The following CCSER1 variants were observed in gnomAD, a reference collection of about 807,000 sequenced individuals.
CCSER1 encodes the protein serine-rich coiled-coil domain-containing protein 1.
CCSER1 carries 41 observed loss-of-function variants against 82.0 expected under a neutral mutation model. The ratio of observed to expected loss-of-function variants is 0.50; its 90% CI spans 0.39 to 0.65. CCSER1 has a LOEUF of 0.65. Ranked by LOEUF, CCSER1 falls within the 30% of genes least tolerant of loss-of-function variation. The pLI is 0.00. For synonymous variants in CCSER1, 414 were observed against 383.9 expected (o/e 1.08, Z -0.92); for missense variants, 1,119 against 1,064.2 (o/e 1.05, Z -0.72).
At chr4:90,286,701 A>G (rs911490972) in intron 1 of CCSER1, among the ~76,000 whole-genome samples, 1 of 152,004 alleles carries the variant, frequency 6.6e-6, no homozygotes, top group African/African-American at 2.4e-5. Context: ...TACACTTAAC[A>G]TTCTATATTT....
intron 6 of CCSER1, among the ~76,000 whole-genome samples, chr4:90,690,225 A>G (rs1001855807): frequency 2.0e-5 from 3 of 152,110 alleles, no homozygotes; most frequent in Non-Finnish European, 4.4e-5. Flanking sequence ...TTGAAGGCAC[A>G]ATACTCAGAA....
intron 9 of CCSER1, among the ~76,000 whole-genome samples, chr4:91,073,902 C>A (rs1721689145): frequency 6.6e-6 from 1 of 152,036 alleles, no homozygotes; most frequent in African/African-American, 2.4e-5. Context: ...TATCCTCCTC[C>A]CGATAATCAT....
intron 3 of CCSER1, among the ~76,000 whole-genome samples, chr4:90,349,636 C>G (rs1272528140): frequency 6.6e-6 from 1 of 152,000 alleles, no homozygotes; most frequent in Non-Finnish European, 1.5e-5. Context: ...TCATTTTCTT[C>G]TTTTCATACC....
At chr4:91,278,993 G>A (rs943733989) in intron 10 of CCSER1, among the ~76,000 whole-genome samples, 5 of 151,994 alleles carry the variant, frequency 3.3e-5, no homozygotes, top group African/African-American at 1.2e-4. Flanking sequence ...ACCTGGGAAA[G>A]ACTATCTCTT....
chr4:91,219,308 C>CTT (rs59884169), intron 10 of CCSER1, among the ~76,000 whole-genome samples: 8,224 of 99,682 alleles, frequency 0.083, 399 homozygotes, highest in East Asian at 0.23. Context: ...TACAGTTTGG[C>CTT]TTTTTTTTTT....
chr4:90,165,009 T>C (rs1291847661), intron 1 of CCSER1, among the ~76,000 whole-genome samples: 3 of 152,150 alleles, frequency 2.0e-5, no homozygotes, highest in Non-Finnish European at 2.9e-5. Flanking sequence ...ATTTCATGAT[T>C]TGAACTTGTT....
intron 8 of CCSER1, among the ~76,000 whole-genome samples, chr4:90,838,164 T>C (rs1762049907): frequency 6.6e-6 from 1 of 151,804 alleles, no homozygotes; most frequent in Non-Finnish European, 1.5e-5. Context: ...TATAAATCTA[T>C]ATAAGAAAAT....
At chr4:90,362,398 A>T (rs1357230367) in intron 3 of CCSER1, among the ~76,000 whole-genome samples, 1 of 152,176 alleles carries the variant, frequency 6.6e-6, no homozygotes, top group African/African-American at 2.4e-5. Context: ...GAAAACATTT[A>T]GTGTTTTTCA....
intron 10 of CCSER1, among the ~76,000 whole-genome samples, chr4:91,184,280 A>T (rs926990049): frequency 6.6e-6 from 1 of 152,256 alleles, no homozygotes; most frequent in Non-Finnish European, 1.5e-5. Context: ...AACACTTTCC[A>T]ATGATAACAC....
At chr4:91,299,310 C>A (rs2149235373) in intron 10 of CCSER1, among the ~76,000 whole-genome samples, 1 of 152,058 alleles carries the variant, frequency 6.6e-6, no homozygotes, top group South Asian at 2.1e-4. Flanking sequence ...TTAAGTTAAA[C>A]TGTCTTTTAA....
intron 6 of CCSER1, among the ~76,000 whole-genome samples, chr4:90,662,111 G>A (rs757803943): frequency 3.3e-5 from 5 of 150,974 alleles, no homozygotes; most frequent in Non-Finnish European, 7.4e-5. Context: ...TGATTCTCCT[G>A]CCTCAGCCTC....
chr4:90,303,361 G>T (rs1733552592), intron 1 of CCSER1, among the ~76,000 whole-genome samples: 1 of 152,012 alleles, frequency 6.6e-6, no homozygotes, highest in South Asian at 2.1e-4. Flanking sequence ...TAAGCCAAAA[G>T]AACAAAGCTG....
intron 7 of CCSER1, among the ~76,000 whole-genome samples, chr4:90,730,598 A>C (rs1356336140): frequency 2.6e-5 from 4 of 152,192 alleles, no homozygotes; most frequent in Non-Finnish European, 5.9e-5. Context: ...AGGTAGGGTG[A>C]TAAATGTTAT....
chr4:90,765,521 C>T lies in CCSER1; in HGVS notation c.2010+41530C>T, dbSNP rs773056495. Among the ~76,000 whole-genome samples the T allele has an allele frequency of 4.9e-4, 74 of 152,140 alleles. 1 individual carries two copies. Among genetic ancestry groups the T allele is most frequent in the Non-Finnish European group, 9.7e-4 (66 of 67,996 alleles). Reference sequence around the variant, plus strand: ...CATAAAAACCTATTTAGGATTGCATCGTACTCTTCTCTGTTAGTATTTGGG... The same window carrying T: ...CATAAAAACCTATTTAGGATTGCATTGTACTCTTCTCTGTTAGTATTTGGG... On this transcript the variant is annotated intron_variant, in intron 7 of 10. Transcript: ENST00000509176.
chr4:91,181,598 T>A (rs1734035953), intron 10 of CCSER1, among the ~76,000 whole-genome samples: 1 of 152,290 alleles, frequency 6.6e-6, no homozygotes, highest in South Asian at 2.1e-4. Flanking sequence ...TCTGACCATT[T>A]TTCTCAGATC....
At chr4:91,508,257 T>A (rs1759631664) in intron 10 of CCSER1, among the ~76,000 whole-genome samples, 1 of 148,296 alleles carries the variant, frequency 6.7e-6, no homozygotes, top group Non-Finnish European at 1.5e-5. Context: ...TCTTCACATA[T>A]GAAATTTGAA....
intron 7 of CCSER1, among the ~76,000 whole-genome samples, chr4:90,788,891 T>C (rs1207989056): frequency 6.6e-6 from 1 of 152,054 alleles, no homozygotes; most frequent in Non-Finnish European, 1.5e-5. Flanking sequence ...ATCTCATTCT[T>C]TCTTAACACC....
chr4:90,472,321 GAT>G (rs1179218731), intron 5 of CCSER1, among the ~76,000 whole-genome samples: 9 of 152,218 alleles, frequency 5.9e-5, no homozygotes, highest in African/African-American at 2.2e-4. Context: ...TTATGACTGA[GAT>G]ATTTGTATTA....
chr4:90,986,212 C>T (rs9995817), intron 9 of CCSER1, among the ~76,000 whole-genome samples: 20,283 of 151,566 alleles, frequency 0.13, 1,394 homozygotes, highest in Admixed American at 0.19. Flanking sequence ...TTTTTGGTAA[C>T]TTTTTGGAGT....
Sources: gnomAD v4.1 joint callset for allele counts (sites outside exome capture counted in the v4.1 genomes callset) on GRCh38, gnomAD v4.1.1 for gene constraint, MANE v1.5 for transcripts, NCBI Gene and HGNC (gene_info 2026-07-23, HGNC 2026-07-21) for gene names.